The following KCNN3 variants were observed in gnomAD, a reference collection of about 807,000 sequenced individuals.
The protein encoded by KCNN3 is potassium calcium-activated channel subfamily N member 3.
KCNN3 carries 16 observed loss-of-function variants against 62.9 expected under a neutral mutation model. The observed-to-expected ratio is 0.25, with a 90% CI of 0.17 to 0.39. The LOEUF (loss-of-function observed/expected upper bound fraction) is 0.39. Ranked by LOEUF, KCNN3 falls within the 10% of genes least tolerant of loss-of-function variation. The probability of loss-of-function intolerance (pLI) is 1.00; values close to 1 mark genes in which losing one functional copy is unlikely to be tolerated. For missense variants in KCNN3, 599 were observed against 949.4 expected (o/e 0.63, Z 4.85); for synonymous variants, 370 against 389.2 (o/e 0.95, Z 0.58).
chr1:154,746,273 G>A (rs1571233226), intron 3 of KCNN3, among the ~76,000 whole-genome samples: 1 of 152,144 alleles, frequency 6.6e-6, no homozygotes, highest in African/African-American at 2.4e-5. Flanking sequence ...GCCAAGTTGG[G>A]GCACGGGGCC....
chr1:154,746,390 G>A (rs1259622625), intron 3 of KCNN3, among the ~76,000 whole-genome samples: 1 of 152,106 alleles, frequency 6.6e-6, no homozygotes, highest in East Asian at 1.9e-4. Context: ...GAGTTGGAGG[G>A]AGAAGCAGGG....
chr1:154,741,502 T>A (rs1175229918), intron 3 of KCNN3, among the ~76,000 whole-genome samples: 1 of 152,212 alleles, frequency 6.6e-6, no homozygotes, highest in Non-Finnish European at 1.5e-5. Flanking sequence ...TTTCAGCTGT[T>A]CTCTTCAGCA....
intron 3 of KCNN3, among the ~76,000 whole-genome samples, chr1:154,738,020 AAAAGAAGGAG>A (rs1571225810): frequency 6.6e-6 from 1 of 152,192 alleles, no homozygotes; most frequent in Non-Finnish European, 1.5e-5. Context: ...AACTGGGGGG[AAAAGAAGGAG>A]AAAGAAGGAG....
intron 3 of KCNN3, among the ~76,000 whole-genome samples, chr1:154,766,868 G>C (rs927505992): frequency 6.6e-6 from 1 of 151,954 alleles, no homozygotes; most frequent in African/African-American, 2.4e-5. Context: ...TTTTAGTAGA[G>C]ACGGGGGTTT....
At chr1:154,771,043 C>T (rs909308062) in intron 3 of KCNN3, among the ~76,000 whole-genome samples, 5 of 148,310 alleles carry the variant, frequency 3.4e-5, no homozygotes, top group African/African-American at 1.0e-4. Flanking sequence ...GGCGAGAGAG[C>T]GAGACTCCAT....
rs866659290 is a variant in KCNN3, at chr1:154,702,838, C to T, written c.*5138G>A. 6.7e-6 allele frequency: 1 copy of T among 149,070 alleles called. No homozygotes were observed. The highest frequency in any genetic ancestry group is 1.5e-5 in the Non-Finnish European group (1 of 67,580). The allele number at this position is 149,070 out of a possible 1,614,324, so 9.2% of individuals were successfully genotyped here. On this transcript the variant is annotated 3_prime_UTR_variant, in exon 8 of 8. Coordinates refer to ENST00000271915, the MANE Select transcript of KCNN3 (RefSeq NM_002249.6). ...GAATTTTGTGCTTTTCCTCCACCAG[C>T]TTGGTTGGTCACGATGTGTCTCTTT...
rs982537206 is a variant in KCNN3 at position 154,706,438 on chromosome 1, G to A, written c.*1538C>T. 2 of 152,222 alleles carry A rather than the reference G, an allele frequency of 1.3e-5. No homozygotes were observed. Among genetic ancestry groups the A allele is most frequent in the Non-Finnish European group, 2.9e-5 (2 of 68,030 alleles). 9.4% of individuals were successfully genotyped at this position (152,222 alleles called of 1,614,324 possible). A position where few individuals can be genotyped will look rare whatever the true frequency, so the allele number is the denominator to read the frequency against. On this transcript the variant is annotated 3_prime_UTR_variant, in exon 8 of 8. Coordinates refer to ENST00000271915, the MANE Select transcript of KCNN3 (RefSeq NM_002249.6). ...AGGCAGAAACCAAAGACCTCAGAATGAGAAAGTCATGGTTTTCACGTCACA... is the reference window on the plus strand; with the variant it reads ...AGGCAGAAACCAAAGACCTCAGAATAAGAAAGTCATGGTTTTCACGTCACA...
chr1:154,744,707 A>G (rs1700900612), intron 3 of KCNN3, among the ~76,000 whole-genome samples: 1 of 152,198 alleles, frequency 6.6e-6, no homozygotes, highest in Non-Finnish European at 1.5e-5. Context: ...AAGTACCTTC[A>G]GCATGCTAGG....
In KCNN3 at chr1:154,772,022, G is replaced by A. The variant is rs1039861886; in HGVS notation, c.1401C>T (p.Ser467=). The change falls in exon 3 of 8, where the codon AGC becomes AGT. Residue 467 remains serine, a synonymous_variant. Coordinates refer to ENST00000271915, the MANE Select transcript of KCNN3 (RefSeq NM_002249.6). This position sits in a 1 kb window ranked among gnomAD's most constrained non-coding sequence, Gnocchi z 5.6. ...AGGCAGCAATGATCCACAGAGAGATGCTGAACACGAGCAGCACAGTGCCAG... is the reference window on the plus strand; with the variant it reads ...AGGCAGCAATGATCCACAGAGAGATACTGAACACGAGCAGCACAGTGCCAG... ...ICPGTVLLVF[S]ISLWIIAAWT... 1 of 1,614,214 alleles carries A rather than the reference G, an allele frequency of 6.2e-7. No individual in the cohort carries two copies. Among genetic ancestry groups the A allele is most frequent in the African/African-American group, 1.3e-5 (1 of 75,070 alleles).
chr1:154,852,536 T>C (rs1244440938), intron 1 of KCNN3, among the ~76,000 whole-genome samples: 2 of 152,092 alleles, frequency 1.3e-5, no homozygotes, highest in Admixed American at 6.6e-5. Context: ...TAATTGTAAA[T>C]TTTATAAACT....
intron 3 of KCNN3, among the ~76,000 whole-genome samples, chr1:154,761,361 A>G (rs1478265721): frequency 6.6e-6 from 1 of 151,348 alleles, no homozygotes; most frequent in Non-Finnish European, 1.5e-5. Context: ...CCAGCTACTC[A>G]GGAGGGTGAG....
intron 2 of KCNN3, among the ~76,000 whole-genome samples, chr1:154,793,423 G>A (rs1236923034): frequency 1.3e-5 from 2 of 152,162 alleles, no homozygotes; most frequent in Admixed American, 6.5e-5. Flanking sequence ...GATGTCGGGG[G>A]CATGGGAGGG....
Position 154,697,691 on chromosome 1 carries a change from T to C in KCNN3, c.*10285A>G, listed in dbSNP as rs1236108542. 1 of 152,200 alleles carries C rather than the reference T, an allele frequency of 6.6e-6. No homozygotes were observed. The highest frequency in any genetic ancestry group is 1.5e-5 in the Non-Finnish European group (1 of 68,082). 9.4% of individuals were successfully genotyped at this position (152,200 alleles called of 1,614,324 possible). The stretch of plus-strand genomic sequence containing the variant: ...AGACCCACACACCAGCCCACCACTC[T>C]CATTCCAGATGCCCTAAGCCTGGGT... On this transcript the variant is annotated 3_prime_UTR_variant, in exon 8 of 8. Coordinates refer to ENST00000271915, the MANE Select transcript of KCNN3 (RefSeq NM_002249.6).
Position 154,825,290 on chromosome 1 carries a change from G to A in KCNN3, c.934-3106C>T, listed in dbSNP as rs114560417. 7.9e-3 allele frequency among the ~76,000 whole-genome samples: 1,197 copies of A among 151,880 alleles called. 11 individuals carry two copies. Among genetic ancestry groups the A allele is most frequent in the African/African-American group, 0.028 (1,143 of 41,394 alleles). ...GTCAACCCTTCTGCCCCGTGACTCA[G>A]AACTTTTCAACACAGAGTAACAATC... is the stretch of plus-strand genomic sequence containing the variant. On this transcript the variant is annotated intron_variant, in intron 1 of 7. Coordinates refer to ENST00000271915, the MANE Select transcript of KCNN3 (RefSeq NM_002249.6).
chr1:154,718,045 G>T (rs941925583), intron 5 of KCNN3, among the ~76,000 whole-genome samples: 1 of 152,130 alleles, frequency 6.6e-6, no homozygotes, highest in Admixed American at 6.6e-5. Context: ...GACCTCTCCT[G>T]GTGGGCAGAG....
chr1:154,702,756 T>G lies in KCNN3; in HGVS notation c.*5220A>C, dbSNP rs1699883528. On this transcript the variant is annotated 3_prime_UTR_variant, in exon 8 of 8. Coordinates refer to ENST00000271915, the MANE Select transcript of KCNN3 (RefSeq NM_002249.6). ...ATATATATATATATATATGTACTTT[T>G]TCTTTTTGGCTATAAATGTCAACAT... 7.1e-6 allele frequency: 1 copy of G among 140,430 alleles called. No individual in the cohort carries two copies. The highest frequency in any genetic ancestry group is 1.5e-5 in the Non-Finnish European group (1 of 65,160). The allele number at this position is 140,430 out of a possible 1,614,324, so 8.7% of individuals were successfully genotyped here. A position where few individuals can be genotyped will look rare whatever the true frequency, so the allele number is the denominator to read the frequency against.
chr1:154,792,239 C>T (rs12728678), intron 2 of KCNN3, among the ~76,000 whole-genome samples: 30,095 of 152,172 alleles, frequency 0.2, 3,100 homozygotes, highest in Middle Eastern at 0.26. Context: ...GGGTCTCCCC[C>T]GTCTGCCATG....
intron 3 of KCNN3, among the ~76,000 whole-genome samples, chr1:154,742,536 G>A (rs567326053): frequency 6.6e-6 from 1 of 152,238 alleles, no homozygotes; most frequent in East Asian, 1.9e-4. Flanking sequence ...AGCAGTGCCG[G>A]GCACATAGGT....
At position 154,869,055 on chromosome 1, in the gene KCNN3, G is replaced by T. The variant is rs760728518; in HGVS notation, c.910C>A (p.Leu304Ile). The change falls in exon 1 of 8, where the codon CTC becomes ATC. Residue 304 changes from leucine to isoleucine, a missense_variant. Coordinates refer to ENST00000271915, the MANE Select transcript of KCNN3 (RefSeq NM_002249.6). This position sits in a 1 kb window ranked among gnomAD's most constrained non-coding sequence, Gnocchi z 6.1. ...ACCTTTGAGTACAAACCCCAAGAGA[G>T]CTCGGTCTCTATCACCATAACAACA... ...GIVVMVIETE[L>I]SWGLYSKDSM... 1.2e-6 allele frequency: 2 copies of T among 1,614,124 alleles called. No individual in the cohort carries two copies. The highest frequency in any genetic ancestry group is 1.7e-6 in the Non-Finnish European group (2 of 1,180,008).
Sources: allele counts gnomAD v4.1 joint callset (sites outside exome capture counted in the v4.1 genomes callset), GRCh38; gene constraint gnomAD v4.1.1; non-coding constraint Gnocchi (gnomAD v3.1); transcripts MANE v1.5; gene names NCBI Gene and HGNC (gene_info 2026-07-23, HGNC 2026-07-21).